The following DISP1 variants were observed in gnomAD, a reference collection of about 807,000 sequenced individuals.
The protein encoded by DISP1 is protein dispatched homolog 1.
In DISP1, 30 loss-of-function variants were observed where a neutral mutation model predicts 37.3. The ratio of observed to expected loss-of-function variants is 0.80; its 90% CI spans 0.60 to 1.09. DISP1 has a LOEUF of 1.09. Ranked by LOEUF, DISP1 falls within the 50% of genes least tolerant of loss-of-function variation. The probability of loss-of-function intolerance (pLI) is 0.00; values close to 1 mark genes in which losing one functional copy is unlikely to be tolerated. For synonymous variants in DISP1, 634 were observed against 690.2 expected, an observed-to-expected ratio of 0.92 and a Z score of 1.28; for missense variants, 1,598 against 1,879.5, an observed-to-expected ratio of 0.85 and a Z score of 2.77.
intron 1 of DISP1, among the ~76,000 whole-genome samples, chr1:222,887,486 G>GTTTTTTTTTTTTTTTT (rs940346379): frequency 2.0e-4 from 17 of 83,110 alleles, no homozygotes; most frequent in Admixed American, 4.4e-4. Context: ...CATTGTTTTT[G>GTTTTTTTTTTTTTTTT]TTTTTTTTTT....
chr1:222,996,508 A>G (rs1679081027), intron 8 of DISP1, among the ~76,000 whole-genome samples: 1 of 152,110 alleles, frequency 6.6e-6, no homozygotes, highest in Non-Finnish European at 1.5e-5. Context: ...TCATTCTTCT[A>G]CCTTTGGTTG....
intron 1 of DISP1, among the ~76,000 whole-genome samples, chr1:222,895,986 T>C (rs1002662057): frequency 1.3e-5 from 2 of 152,224 alleles, no homozygotes; most frequent in African/African-American, 4.8e-5. Flanking sequence ...TACAAATTTC[T>C]GCTCTTCAAA....
chr1:222,898,794 T>C (rs922962312), intron 1 of DISP1, among the ~76,000 whole-genome samples: 11 of 152,192 alleles, frequency 7.2e-5, no homozygotes, highest in Non-Finnish European at 1.5e-4. Context: ...ATGAGGCTGC[T>C]TTCAGGGTTT....
At chr1:222,891,728 A>G (rs1262776070) in intron 1 of DISP1, among the ~76,000 whole-genome samples, 1 of 149,322 alleles carries the variant, frequency 6.7e-6, no homozygotes, top group Non-Finnish European at 1.5e-5. Context: ...AGACCTGGAG[A>G]GAGATCTGAT....
chr1:222,884,101 C>T (rs1670438164), intron 1 of DISP1, among the ~76,000 whole-genome samples: 2 of 152,126 alleles, frequency 1.3e-5, no homozygotes, highest in Non-Finnish European at 2.9e-5. Flanking sequence ...TTCCCAAACT[C>T]CTGCCAGATA....
At chr1:222,951,788 G>A (rs769177578) in intron 3 of DISP1, among the ~76,000 whole-genome samples, 2 of 152,194 alleles carry the variant, frequency 1.3e-5, no homozygotes, top group Non-Finnish European at 2.9e-5. Context: ...TAGAAGTAGA[G>A]TGGACAAGAC....
At chr1:222,853,359 A>T (rs1668375753) in intron 1 of DISP1, among the ~76,000 whole-genome samples, 1 of 152,194 alleles carries the variant, frequency 6.6e-6, no homozygotes, top group South Asian at 2.1e-4. Context: ...AAGAACTATA[A>T]ATAGTACTAC....
At chr1:222,971,289 A>G (rs1042767337) in intron 3 of DISP1, among the ~76,000 whole-genome samples, 5 of 88,486 alleles carry the variant, frequency 5.7e-5, no homozygotes, top group Admixed American at 4.4e-4. Context: ...TTTGAGGGAA[A>G]TGTCTCTCCT....
At chr1:222,866,731 A>T (rs796979359) in intron 1 of DISP1, among the ~76,000 whole-genome samples, 1 of 152,190 alleles carries the variant, frequency 6.6e-6, no homozygotes, top group Non-Finnish European at 1.5e-5. Context: ...TTAATATCAC[A>T]TATAACCTAA....
At chr1:222,828,104 A>T (rs1320861701) in intron 1 of DISP1, among the ~76,000 whole-genome samples, 1 of 152,180 alleles carries the variant, frequency 6.6e-6, no homozygotes, top group Non-Finnish European at 1.5e-5. Flanking sequence ...TTGTATTATT[A>T]TTCCTCTTTT....
At chr1:222,963,803 CA>C (rs1335263837) in intron 3 of DISP1, among the ~76,000 whole-genome samples, 5 of 151,572 alleles carry the variant, frequency 3.3e-5, no homozygotes, top group Non-Finnish European at 7.4e-5. Flanking sequence ...GAAGATGGGT[CA>C]ATAGGTGCAG....
At chr1:222,956,656 G>T (rs191599131) in intron 3 of DISP1, among the ~76,000 whole-genome samples, 35 of 151,888 alleles carry the variant, frequency 2.3e-4, no homozygotes, top group Non-Finnish European at 4.0e-4. Context: ...CTTTACCCCT[G>T]ACCTCCTTCT....
intron 1 of DISP1, among the ~76,000 whole-genome samples, chr1:222,838,650 T>C (rs958921242): frequency 6.6e-6 from 1 of 152,192 alleles, no homozygotes; most frequent in African/African-American, 2.4e-5. Context: ...TGCATGTCTG[T>C]AGTCTTATCC....
At position 222,819,625 on chromosome 1, in the gene DISP1, C is replaced by T. The variant is rs1260650831; in HGVS notation, c.-159+4547C>T. 2.6e-5 allele frequency among the ~76,000 whole-genome samples: 4 copies of T among 151,152 alleles called. No individual in the cohort carries two copies. The East Asian group carries it at 5.8e-4, about 22-fold the overall frequency. The stretch of plus-strand genomic sequence containing the variant: ...CACGATCTCAGCTCACTGCAAGCTC[C>T]GCCTCCTGGGTTCAAACGATGCTCC... On this transcript the variant is annotated intron_variant, in intron 1 of 8. Transcript: ENST00000675850.
At chr1:222,955,181 A>G (rs2789935) in intron 3 of DISP1, among the ~76,000 whole-genome samples, 148,520 of 151,820 alleles carry the variant, frequency 0.98, 72,723 homozygotes, top group East Asian at 1. Flanking sequence ...CTGCCTCCTG[A>G]GTTCATGTGA....
intron 1 of DISP1, among the ~76,000 whole-genome samples, chr1:222,868,416 G>A (rs1020580846): frequency 6.6e-6 from 1 of 152,066 alleles, no homozygotes; most frequent in African/African-American, 2.4e-5. Flanking sequence ...ATATTTGAGT[G>A]AGCCTGGAGA....
intron 3 of DISP1, among the ~76,000 whole-genome samples, chr1:222,944,606 C>A (rs555516677): frequency 6.6e-6 from 1 of 152,278 alleles, no homozygotes; most frequent in South Asian, 2.1e-4. Context: ...TCTGTCACCC[C>A]AGAAGGTAAG....
At chr1:222,931,024 T>G (rs912169167) in intron 2 of DISP1, among the ~76,000 whole-genome samples, 4 of 152,006 alleles carry the variant, frequency 2.6e-5, no homozygotes, top group African/African-American at 9.7e-5. Context: ...GAAATTTGAT[T>G]TGCTGCTTCT....
chr1:222,877,314 G>A (rs957770557), intron 1 of DISP1, among the ~76,000 whole-genome samples: 3 of 152,174 alleles, frequency 2.0e-5, no homozygotes, highest in African/African-American at 7.2e-5. Context: ...TACAATCATG[G>A]CGGAAGGCAA....
Sources: allele counts gnomAD v4.1 joint callset (sites outside exome capture counted in the v4.1 genomes callset), GRCh38; gene constraint gnomAD v4.1.1; transcripts MANE v1.5; gene names NCBI Gene and HGNC (gene_info 2026-07-23, HGNC 2026-07-21).